The following UMPS variants were observed in gnomAD, a reference collection of about 807,000 sequenced individuals.
UMPS encodes the protein uridine monophosphate synthetase.
UMPS carries 21 observed loss-of-function variants against 38.9 expected under a neutral mutation model. The observed-to-expected ratio is 0.54, with a 90% CI of 0.38 to 0.78. The LOEUF is 0.78. UMPS is among the 30% of genes least tolerant of loss of function. The pLI is 0.00. For missense variants in UMPS, 533 were observed against 591.6 expected, an observed-to-expected ratio of 0.90 and a Z score of 1.03; for synonymous variants, 208 against 219.3, an observed-to-expected ratio of 0.95 and a Z score of 0.45.
intron 5 of UMPS, among the ~76,000 whole-genome samples, chr3:124,743,672 A>G (rs2063573443): frequency 6.6e-6 from 1 of 151,918 alleles, no homozygotes; most frequent in Admixed American, 6.6e-5. Context: ...ATAAATAAAT[A>G]AATAAATAAA....
Position 124,737,589 on chromosome 3 carries a change from G to T in UMPS, c.332G>T (p.Gly111Val). 2 of 1,614,152 alleles carry T rather than the reference G, an allele frequency of 1.2e-6. No individual in the cohort carries two copies. Among genetic ancestry groups the T allele is most frequent in the South Asian group, 2.2e-5 (2 of 91,052 alleles). Reference sequence around the variant, plus strand: ...CTAGGAACTAAGCGTCTTGTAGAAGGAACTATTAATCCAGGAGAAACCTGT... The same window carrying T: ...CTAGGAACTAAGCGTCTTGTAGAAGTAACTATTAATCCAGGAGAAACCTGT... ...KDYGTKRLVE[G>V]TINPGETCLI... The change falls in exon 3 of 6, where the codon GGA becomes GTA. Residue 111 changes from glycine to valine, a missense_variant. By Grantham distance (109) the Gly-to-Val change is moderately radical (BLOSUM62 -3). Transcript: ENST00000232607.
chr3:124,731,746 A>G (rs1206809126), intron 1 of UMPS: 1 of 177,942 alleles, frequency 5.6e-6, no homozygotes, highest in Admixed American at 6.0e-5. Context: ...AAAATGCAAA[A>G]ATTAGCTGGG....
chr3:124,744,200 C>T lies in UMPS; in HGVS notation c.*116C>T, dbSNP rs777583758. On this transcript the variant is annotated 3_prime_UTR_variant, in exon 6 of 6. Coordinates refer to ENST00000232607, the MANE Select transcript of UMPS (RefSeq NM_000373.4). Reference sequence around the variant, plus strand: ...TCCTGCTTGGATTCTTCCACAGGGCCTGTGTAAGAATGGGTTCTGGAGTTC... The same window carrying T: ...TCCTGCTTGGATTCTTCCACAGGGCTTGTGTAAGAATGGGTTCTGGAGTTC... 1 of 1,293,374 alleles carries T rather than the reference C, an allele frequency of 7.7e-7. No homozygotes were observed. The highest frequency in any genetic ancestry group is 1.9e-5 in the Admixed American group (1 of 52,720). 80.1% of individuals were successfully genotyped at this position (1,293,374 alleles called of 1,614,324 possible). A position where few individuals can be genotyped will look rare whatever the true frequency, so the allele number is the denominator to read the frequency against.
In UMPS at chr3:124,743,910, T is replaced by C. The variant is rs761592721; in HGVS notation, c.1274-5T>C. 1 of 1,614,126 alleles carries C rather than the reference T, an allele frequency of 6.2e-7. No homozygotes were observed. Among genetic ancestry groups the C allele is most frequent in the Non-Finnish European group, 8.5e-7 (1 of 1,179,980 alleles). On this transcript the variant is annotated splice_polypyrimidine_tract_variant and splice_region_variant and intron_variant, in intron 5 of 5. Transcript: ENST00000232607. ...GTGAAACAACAATTTTTGTGTTTCT[T>C]GCAGGAGATAATCTTGGCCAACAGT...
rs114083673 is a variant in UMPS, at chr3:124,746,478, C to T, written c.*2394C>T. On this transcript the variant is annotated 3_prime_UTR_variant, in exon 6 of 6. Transcript: ENST00000232607. ...AGTCTGGCATCAAAGCTTTAGAGGACAAGTTGATTCAGGCAGAGAAGAACT... is the reference window on the plus strand; with the variant it reads ...AGTCTGGCATCAAAGCTTTAGAGGATAAGTTGATTCAGGCAGAGAAGAACT... 106 of 452,830 alleles carry T rather than the reference C, an allele frequency of 2.3e-4. No homozygotes were observed. The highest frequency in any genetic ancestry group is 2.1e-3 in the African/African-American group (102 of 48,880). 28.1% of individuals were successfully genotyped at this position (452,830 alleles called of 1,614,324 possible). A position where few individuals can be genotyped will look rare whatever the true frequency, so the allele number is the denominator to read the frequency against.
At position 124,731,967 on chromosome 3, in the gene UMPS, A is replaced by AT. The variant is rs199536326; in HGVS notation, c.156+1340_156+1341insT. On this transcript the variant is annotated intron_variant, in intron 1 of 5. Coordinates refer to ENST00000232607, the MANE Select transcript of UMPS (RefSeq NM_000373.4). ...GTGCCATCATGCCCACCAAATTAAAAATTTTTTTTTTTTGTAGAGAGGAGG... is the reference window on the plus strand; with the variant it reads ...GTGCCATCATGCCCACCAAATTAAAATATTTTTTTTTTTTGTAGAGAGGAGG... 3.6e-4 allele frequency among the ~76,000 whole-genome samples: 51 copies of AT among 142,776 alleles called. 1 individual carries two copies. Among genetic ancestry groups the AT allele is most frequent in the African/African-American group, 9.6e-4 (39 of 40,710 alleles). The allele number at this position is 142,776 out of a possible 152,430, so 93.7% of individuals were successfully genotyped here.
Position 124,747,365 on chromosome 3 carries a change from C to G in UMPS, c.*3281C>G, listed in dbSNP as rs1025221055. The G allele has an allele frequency of 8.8e-6, 4 of 454,878 alleles. No homozygotes were observed. Among genetic ancestry groups the G allele is most frequent in the Middle Eastern group, 1.4e-3 (2 of 1,442 alleles). 28.2% of individuals were successfully genotyped at this position (454,878 alleles called of 1,614,324 possible). A position where few individuals can be genotyped will look rare whatever the true frequency, so the allele number is the denominator to read the frequency against. On this transcript the variant is annotated 3_prime_UTR_variant, in exon 6 of 6. Transcript: ENST00000232607. ...ACAGCAGAGGGTGCTGGCCGCTGAG[C>G]TAGCTGCTAATGCTGGCCTGGGTGC...
rs2063605706 is a variant in UMPS at position 124,746,942 on chromosome 3, C to A, written c.*2858C>A. The A allele has an allele frequency of 2.2e-6, 1 of 454,012 alleles. No individual in the cohort carries two copies. The highest frequency in any genetic ancestry group is 2.0e-5 in the African/African-American group (1 of 50,012). 28.1% of individuals were successfully genotyped at this position (454,012 alleles called of 1,614,324 possible). On this transcript the variant is annotated 3_prime_UTR_variant, in exon 6 of 6. Coordinates refer to ENST00000232607, the MANE Select transcript of UMPS (RefSeq NM_000373.4). Reference sequence around the variant, plus strand: ...GCCTGTGGATCTCAGTCCCAACACTCACCCTTGTGCTACTGAGTCAGCTCT... The same window carrying A: ...GCCTGTGGATCTCAGTCCCAACACTAACCCTTGTGCTACTGAGTCAGCTCT...
At chr3:124,734,864 CA>C (rs1307525378) in intron 1 of UMPS, among the ~76,000 whole-genome samples, 1 of 151,774 alleles carries the variant, frequency 6.6e-6, no homozygotes, top group Non-Finnish European at 1.5e-5. Context: ...ACTAAAAATA[CA>C]AAAAAATTAG....
chr3:124,734,598 T>C (rs2063504483), intron 1 of UMPS, among the ~76,000 whole-genome samples: 1 of 152,248 alleles, frequency 6.6e-6, no homozygotes, highest in East Asian at 1.9e-4. Flanking sequence ...TATATTTGTG[T>C]ACTGGGTTTA....
chr3:124,731,428 A>G (rs2063475732), intron 1 of UMPS: 1 of 347,534 alleles, frequency 2.9e-6, no homozygotes, highest in Admixed American at 3.2e-5. Context: ...ATCTTAATGT[A>G]CCTGGAATGT....
At chr3:124,739,325 T>G (rs1029045704) in intron 3 of UMPS, among the ~76,000 whole-genome samples, 2 of 152,128 alleles carry the variant, frequency 1.3e-5, no homozygotes, top group African/African-American at 4.8e-5. Flanking sequence ...TCAAGAAGAA[T>G]TTTATTTTTA....
At chr3:124,743,023 AC>A (rs2063567299) in intron 5 of UMPS, among the ~76,000 whole-genome samples, 1 of 152,194 alleles carries the variant, frequency 6.6e-6, no homozygotes, top group Admixed American at 6.5e-5. Context: ...GAAAAAAATT[AC>A]ATGAAAAAAT....
chr3:124,734,618 T>C (rs985089943), intron 1 of UMPS, among the ~76,000 whole-genome samples: 2 of 152,202 alleles, frequency 1.3e-5, no homozygotes, highest in African/African-American at 4.8e-5. Flanking sequence ...ATGGAGAGGG[T>C]AATAAAAAGG....
chr3:124,744,071 G>C lies in UMPS; in HGVS notation c.1430G>C (p.Arg477Thr). ...RKAAWEAYLS[R>T]LGV ...GCTGCTTGGGAAGCGTATTTGAGTA[G>C]ACTTGGTGTTTGAGTGCTTCAGATA... Residue 477 changes from arginine (R) to threonine (T), a missense_variant, in exon 6 of 6, where the codon AGA becomes ACA. Arg to Thr is a moderately conservative substitution (Grantham distance 71, BLOSUM62 -1). Coordinates refer to ENST00000232607, the MANE Select transcript of UMPS (RefSeq NM_000373.4). 6.2e-7 allele frequency: 1 copy of C among 1,614,118 alleles called. No homozygotes were observed.
chr3:124,735,201 A>T lies in UMPS; in HGVS notation c.265A>T (p.Asn89Tyr), dbSNP rs2063509190. The change falls in exon 2 of 6, where the codon AAT becomes TAT. Residue 89 changes from asparagine (N) to tyrosine (Y), a missense_variant. Asn to Tyr is a moderately radical substitution (Grantham distance 143, BLOSUM62 -2). Coordinates refer to ENST00000232607, the MANE Select transcript of UMPS (RefSeq NM_000373.4). ...ATTGGCTACAGTTATCTGTTCAACC[A>T]ATCAAATTCCAATGCTTATTAGAAG... is the stretch of plus-strand genomic sequence containing the variant. Reference protein sequence around the residue: ...LPLATVICSTNQIPMLIRRKE... With the variant: ...LPLATVICSTYQIPMLIRRKE... The T allele has an allele frequency of 1.9e-6, 3 of 1,614,056 alleles. No individual in the cohort carries two copies. The highest frequency in any genetic ancestry group is 2.5e-6 in the Non-Finnish European group (3 of 1,179,906).
At chr3:124,732,723 C>T (rs17843793) in intron 1 of UMPS, among the ~76,000 whole-genome samples, 1 of 152,028 alleles carries the variant, frequency 6.6e-6, no homozygotes. Context: ...TAAGTTTCCT[C>T]AGCCCACTTA....
chr3:124,732,130 T>A (rs1429798654), intron 1 of UMPS, among the ~76,000 whole-genome samples: 1 of 152,172 alleles, frequency 6.6e-6, no homozygotes, highest in East Asian at 1.9e-4. Flanking sequence ...ATGCAAATTC[T>A]TGGTGAATAT....
At position 124,748,170 on chromosome 3, in the gene UMPS, T is replaced by TC; in HGVS notation, c.*4088dup. 2.2e-6 allele frequency: 1 copy of TC among 451,156 alleles called. No individual in the cohort carries two copies. Among genetic ancestry groups the TC allele is most frequent in the Non-Finnish European group, 4.4e-6 (1 of 226,168 alleles). The allele number at this position is 451,156 out of a possible 1,614,324, so 27.9% of individuals were successfully genotyped here. A position where few individuals can be genotyped will look rare whatever the true frequency, so the allele number is the denominator to read the frequency against. The stretch of plus-strand genomic sequence containing the variant: ...GTCTCGAACTCCTTAGCTCAAGTGA[T>TC]CCTCCTGCCTTGGCTTCCCAAAGTG... On this transcript the variant is annotated 3_prime_UTR_variant, in exon 6 of 6. Coordinates refer to ENST00000232607, the MANE Select transcript of UMPS (RefSeq NM_000373.4).
Sources: gnomAD v4.1 joint callset for allele counts (sites outside exome capture counted in the v4.1 genomes callset) on GRCh38, gnomAD v4.1.1 for gene constraint, MANE v1.5 for transcripts, NCBI Gene and HGNC (gene_info 2026-07-23, HGNC 2026-07-21) for gene names.